AGA: variants seen among roughly 807,000 people sequenced by gnomAD.
AGA encodes the protein aspartylglucosaminidase.
Under a neutral mutation model 40.1 loss-of-function variants are expected in AGA, and 31 were observed. That is an observed-to-expected ratio of 0.77 (90% CI 0.58 to 1.04). AGA has a LOEUF of 1.04. Among genes scored for constraint, AGA ranks in the 50% least tolerant of loss-of-function variants. The pLI, the probability that AGA is intolerant of heterozygous loss-of-function variation, is 0.00. For missense variants in AGA, 445 were observed against 435.4 expected, an observed-to-expected ratio of 1.02 and a Z score of -0.20; for synonymous variants, 148 against 144.0, an observed-to-expected ratio of 1.03 and a Z score of -0.20.
At chr4:177,434,521 A>C (rs761989898) in intron 6 of AGA, 32 bp from the exon 7 acceptor site, 7 of 1,559,306 alleles carry the variant, frequency 4.5e-6, no homozygotes, top group Non-Finnish European at 6.2e-6. Context: ...TTACGGCAGG[A>C]AATCGAGTGT....
intron 6 of AGA, 60 bp downstream of exon 6, chr4:177,436,216 G>T: frequency 7.2e-7 from 1 of 1,386,890 alleles, no homozygotes; most frequent in Non-Finnish European, 1.0e-6. Flanking sequence ...ATAGCACCCG[G>T]CATATATTGC....
Position 177,437,471 on chromosome 4 carries a change from C to T in AGA, c.556G>A (p.Gly186Ser), listed in dbSNP as rs1736861269. The part of the protein sequence containing the change: ...SKYCGPYKPP[G>S]ILKQDIPIHK... The stretch of plus-strand genomic sequence containing the variant: ...ATAGGAATATCCTGCTTTAAGATAC[C>T]AGGTGGTTTGTAGGGTCCGCAGTAT... The change falls in exon 5 of 9, where the codon GGT (glycine) becomes AGT (serine). Residue 186 changes from glycine to serine, a missense_variant. Gly to Ser is a moderately conservative substitution (Grantham distance 56). Transcript: ENST00000264595. The T allele has an allele frequency of 1.2e-6, 2 of 1,613,406 alleles. No individual in the cohort carries two copies. The highest frequency in any genetic ancestry group is 1.7e-6 in the Non-Finnish European group (2 of 1,179,506).
intron 6 of AGA, among the ~76,000 whole-genome samples, chr4:177,434,781 G>A (rs979338676): frequency 6.6e-6 from 1 of 152,166 alleles, no homozygotes; most frequent in African/African-American, 2.4e-5. Flanking sequence ...GGGACCTGGC[G>A]AGATGCGGGT....
chr4:177,442,167 G>C (rs1737047495), intron 1 of AGA, 82 bp downstream of exon 1: 4 of 1,584,580 alleles, frequency 2.5e-6, no homozygotes, highest in Non-Finnish European at 3.4e-6. Flanking sequence ...CGCCCTGCCG[G>C]GTGACTGCAG....
intron 2 of AGA, 179 bp downstream of exon 2, chr4:177,440,094 C>A: frequency 1.4e-6 from 1 of 716,072 alleles, no homozygotes; most frequent in South Asian, 1.7e-5. Context: ...TGTGATATTT[C>A]TATTACTCTG....
At position 177,431,515 on chromosome 4, in the gene AGA, TAAGA is replaced by T. The variant is rs781578104; in HGVS notation, c.*189_*192del. 31 of 646,706 alleles carry T rather than the reference TAAGA, an allele frequency of 4.8e-5. No homozygotes were observed. The highest frequency in any genetic ancestry group is 1.2e-4 in the East Asian group (4 of 34,286). 40.1% of individuals were successfully genotyped at this position (646,706 alleles called of 1,614,324 possible). A position where few individuals can be genotyped will look rare whatever the true frequency, so the allele number is the denominator to read the frequency against. On this transcript the variant is annotated 3_prime_UTR_variant, in exon 9 of 9. Coordinates refer to ENST00000264595, the MANE Select transcript of AGA (RefSeq NM_000027.4). Reference sequence around the variant, plus strand: ...CATACATATTCATCTTCAGATAATATAAGAAAGGTTAAATAAAAATAGATAATAC... The same window carrying T: ...CATACATATTCATCTTCAGATAATATAAGGTTAAATAAAAATAGATAATAC...
At chr4:177,436,782 A>G (rs114924997) in intron 5 of AGA, among the ~76,000 whole-genome samples, 3,400 of 152,342 alleles carry the variant, frequency 0.022, 85 homozygotes, top group Admixed American at 0.057. Context: ...AACTGCCACT[A>G]TAACAGGCAA....
intron 8 of AGA, 70 bp downstream of exon 8, chr4:177,433,142 CAA>C: frequency 6.3e-7 from 1 of 1,596,248 alleles, no homozygotes; most frequent in Non-Finnish European, 8.6e-7. Flanking sequence ...TTGTACAAAA[CAA>C]TATTTAAAAA....
At chr4:177,439,825 G>A (rs1736938071) in intron 2 of AGA, 137 bp from the exon 3 acceptor site, 7 of 762,208 alleles carry the variant, frequency 9.2e-6, no homozygotes, top group South Asian at 4.2e-5. Context: ...GCACATCCAC[G>A]AAGTTCATAT....
At chr4:177,437,630 AACTTAAAG>A in intron 4 of AGA, 111 bp from the exon 5 acceptor site, 1 of 724,610 alleles carries the variant, frequency 1.4e-6, no homozygotes, top group Non-Finnish European at 2.4e-6. Context: ...GACATCTGGT[AACTTAAAG>A]ATAAGAATTA....
At chr4:177,435,805 TACACACAC>T (rs907182682) in intron 6 of AGA, among the ~76,000 whole-genome samples, 2 of 128,600 alleles carry the variant, frequency 1.6e-5, no homozygotes, top group African/African-American at 3.1e-5. Flanking sequence ...CACGCACACA[TACACACAC>T]ACACCCCTTC....
chr4:177,433,499 C>T (rs1579039533), intron 7 of AGA, 152 bp from the exon 8 acceptor site: 3 of 840,098 alleles, frequency 3.6e-6, no homozygotes, highest in Non-Finnish European at 1.9e-6. Context: ...GTTAAAGCAT[C>T]CACAAAGCAA....
chr4:177,436,883 C>T (rs1736840548), intron 5 of AGA, among the ~76,000 whole-genome samples: 1 of 152,194 alleles, frequency 6.6e-6, no homozygotes, highest in African/African-American at 2.4e-5. Flanking sequence ...GAGTGGGTTC[C>T]TGATATAAAG....
intron 6 of AGA, 104 bp from the exon 7 acceptor site, chr4:177,434,593 G>T: frequency 1.1e-6 from 1 of 917,440 alleles, no homozygotes; most frequent in Non-Finnish European, 1.8e-6. Context: ...CTCTGATACC[G>T]TTTTAAGTAA....
At chr4:177,436,220 A>C in intron 6 of AGA, 56 bp downstream of exon 6, 1 of 1,427,132 alleles carries the variant, frequency 7.0e-7, no homozygotes, top group Middle Eastern at 1.8e-4. Flanking sequence ...CACCCGGCAT[A>C]TATTGCTCTG....
intron 7 of AGA, 125 bp from the exon 8 acceptor site, chr4:177,433,472 AAG>A: frequency 1.2e-5 from 13 of 1,106,856 alleles, no homozygotes; most frequent in Non-Finnish European, 1.6e-5. Flanking sequence ...ATAAATGAAC[AAG>A]AGTCGGTTAC....
intron 5 of AGA, 119 bp downstream of exon 5, chr4:177,437,286 G>T: frequency 1.3e-6 from 1 of 761,850 alleles, no homozygotes; most frequent in Non-Finnish European, 2.3e-6. Context: ...CTATAGAGAG[G>T]CACACTTAAT....
Position 177,442,250 on chromosome 4 carries a change from T to G in AGA, c.126A>C (p.Ala42=). ...CCCGCCCAGGCCGCCAACCCGCACCTGCTTCGGTTGCATTCTTAAAGGGCC... is the reference window on the plus strand; with the variant it reads ...CCCGCCCAGGCCGCCAACCCGCACCGGCTTCGGTTGCATTCTTAAAGGGCC... ...NTWPFKNATE[A]AWRALASGGS... The change falls in exon 1 of 9, where the codon GCA becomes GCC. Residue 42 remains alanine (A), a splice_region_variant and synonymous_variant. Transcript: ENST00000264595. The G allele has an allele frequency of 6.2e-7, 1 of 1,613,796 alleles. No homozygotes were observed. Among genetic ancestry groups the G allele is most frequent in the East Asian group, 2.2e-5 (1 of 44,852 alleles).
At chr4:177,436,442 C>T in intron 5 of AGA, 91 bp from the exon 6 acceptor site, 1 of 1,036,260 alleles carries the variant, frequency 9.7e-7, no homozygotes, top group Non-Finnish European at 1.5e-6. Context: ...AACTGCTGTG[C>T]TCTGAATGTT....
Sources: allele counts gnomAD v4.1 joint callset (sites outside exome capture counted in the v4.1 genomes callset), GRCh38; gene constraint gnomAD v4.1.1; transcripts MANE v1.5; gene names NCBI Gene and HGNC (gene_info 2026-07-23, HGNC 2026-07-21).